SCUBE1: variants seen among roughly 807,000 people sequenced by gnomAD.
The protein encoded by SCUBE1 is signal peptide, CUB and EGF-like domain-containing protein 1.
A neutral mutation model predicts 124.4 loss-of-function variants in SCUBE1; 59 were observed. The ratio of observed to expected loss-of-function variants is 0.47; its 90% confidence interval spans 0.38 to 0.59. The LOEUF (loss-of-function observed/expected upper bound fraction) is 0.59. SCUBE1 is among the 20% of genes least tolerant of loss of function. The probability of loss-of-function intolerance (pLI) is 0.00; values close to 1 mark genes in which losing one functional copy is unlikely to be tolerated. For missense variants in SCUBE1, 1,150 were observed against 1,371.2 expected, an observed-to-expected ratio of 0.84 and a Z score of 2.55; for synonymous variants, 545 against 550.9, an observed-to-expected ratio of 0.99 and a Z score of 0.15.
Position 43,258,934 on chromosome 22 carries a change from A to G in SCUBE1, c.611-599T>C, listed in dbSNP as rs1923769902. ...CGGCAATGTCCGAACAGACAGACTCATGCAAGTTAATGTCATCTGAGGTAC... is the reference window on the plus strand; with the variant it reads ...CGGCAATGTCCGAACAGACAGACTCGTGCAAGTTAATGTCATCTGAGGTAC... On this transcript the variant is annotated intron_variant, in intron 5 of 21. Transcript: ENST00000360835. This position sits in a 1 kb window ranked among gnomAD's most constrained non-coding sequence, Gnocchi z 5.0. Among the ~76,000 whole-genome samples the G allele has an allele frequency of 6.6e-6, 1 of 152,226 alleles. No individual in the cohort carries two copies. The highest frequency in any genetic ancestry group is 2.4e-5 in the African/African-American group (1 of 41,468).
intron 3 of SCUBE1, among the ~76,000 whole-genome samples, chr22:43,300,086 CTG>C (rs1350571594): frequency 1.3e-5 from 2 of 152,144 alleles, no homozygotes; most frequent in Non-Finnish European, 2.9e-5. Context: ...CTGCTGAACA[CTG>C]TGTGTAAGTT....
At chr22:43,308,899 T>C (rs80313951) in intron 3 of SCUBE1, among the ~76,000 whole-genome samples, 2,296 of 152,368 alleles carry the variant, frequency 0.015, 61 homozygotes, top group African/African-American at 0.052. Context: ...AATGAGATGA[T>C]GTGTCCCAAG....
At chr22:43,277,684 C>A (rs1924587570) in intron 4 of SCUBE1, among the ~76,000 whole-genome samples, 1 of 152,248 alleles carries the variant, frequency 6.6e-6, no homozygotes, top group South Asian at 2.1e-4. Context: ...ACAGACTGTT[C>A]TCAGGATCTG....
chr22:43,316,815 A>G (rs1926364394), intron 3 of SCUBE1: 1 of 152,280 alleles, frequency 6.6e-6, no homozygotes, highest in South Asian at 2.1e-4. Context: ...GGCTTCAATA[A>G]CCTGATGCTC....
chr22:43,322,391 T>C (rs903830083), intron 2 of SCUBE1, among the ~76,000 whole-genome samples: 1 of 152,154 alleles, frequency 6.6e-6, no homozygotes, highest in East Asian at 1.9e-4. Flanking sequence ...TTCCCCTGGG[T>C]ATTCCAAAGG....
chr22:43,232,004 G>A, intron 7 of SCUBE1, 129 bp from the exon 8 acceptor site: 1 of 1,108,224 alleles, frequency 9.0e-7, no homozygotes, highest in East Asian at 2.6e-5. Context: ...TTCCCAAGCT[G>A]GCTGCTGGCT....
chr22:43,265,081 A>C (rs764358226), intron 4 of SCUBE1, among the ~76,000 whole-genome samples: 3 of 152,226 alleles, frequency 2.0e-5, no homozygotes, highest in Non-Finnish European at 4.4e-5. Flanking sequence ...TTCCCAGCCA[A>C]AGAATCACAG....
intron 4 of SCUBE1, among the ~76,000 whole-genome samples, chr22:43,288,893 C>T (rs1423182345): frequency 6.6e-6 from 1 of 152,258 alleles, no homozygotes; most frequent in African/African-American, 2.4e-5. Flanking sequence ...CCTGCTGTCG[C>T]TGCTCCCACG....
intron 2 of SCUBE1, among the ~76,000 whole-genome samples, chr22:43,326,394 A>T (rs572882665): frequency 2.0e-4 from 31 of 152,076 alleles, no homozygotes; most frequent in Non-Finnish European, 3.7e-4. Flanking sequence ...AATAAATCTT[A>T]ATCCGGTTTG....
rs536264345 is a variant in SCUBE1, at chr22:43,339,169, T to C, written c.155A>G (p.Asn52Ser). 11 of 1,613,768 alleles carry C rather than the reference T, an allele frequency of 6.8e-6. No homozygotes were observed. The highest frequency in any genetic ancestry group is 9.3e-6 in the Non-Finnish European group (11 of 1,179,816). Reference sequence around the variant, plus strand: ...GAGGCATTTGTAGGACTTGGGCGTGTTCTGACAGATGGCATCGATGTGGCA... The same window carrying C: ...GAGGCATTTGTAGGACTTGGGCGTGCTCTGACAGATGGCATCGATGTGGCA... ...DDCHIDAICQ[N>S]TPKSYKCLCK... Residue 52 changes from asparagine (N) to serine (S), a missense_variant, in exon 2 of 22, where the codon AAC (asparagine) becomes AGC (serine). Asn to Ser is a conservative substitution (Grantham distance 46, BLOSUM62 1). Around this residue, in one of 3 missense-constraint regions of SCUBE1, gnomAD observed 337 missense variants for 482.1 expected, o/e 0.70. Coordinates refer to ENST00000360835, the MANE Select transcript of SCUBE1 (RefSeq NM_173050.5).
chr22:43,335,889 ATGT>A lies in SCUBE1; in HGVS notation c.220+3212_220+3214del, dbSNP rs1274501710. 7.1e-4 allele frequency among the ~76,000 whole-genome samples: 107 copies of A among 149,734 alleles called. 1 individual carries two copies. Among genetic ancestry groups the A allele is most frequent in the African/African-American group, 2.2e-3 (90 of 40,614 alleles). On this transcript the variant is annotated intron_variant, in intron 2 of 21. Transcript: ENST00000360835. ...GGTGATGGTGATGATGGTGATGGTGATGTTGGTGGTGATGATAATGATGATGGT... is the reference window on the plus strand; with the variant it reads ...GGTGATGGTGATGATGGTGATGGTGATGGTGGTGATGATAATGATGATGGT...
At position 43,255,360 on chromosome 22, in the gene SCUBE1, C is replaced by T. The variant is rs1050349704; in HGVS notation, c.727+2859G>A. The T allele has an allele frequency of 3.3e-5, 27 of 809,198 alleles. 1 individual carries two copies. The highest frequency in any genetic ancestry group is 1.1e-4 in the South Asian group (7 of 61,542). 50.1% of individuals were successfully genotyped at this position (809,198 alleles called of 1,614,324 possible). ...CACAACACAGACATATGCCCCCACA[C>T]GCACACGTCACACCCACACACAGCA... On this transcript the variant is annotated intron_variant, in intron 6 of 21. Transcript: ENST00000360835. The surrounding 1 kb of genome is among the most constrained non-coding windows in gnomAD (Gnocchi z 4.7).
At chr22:43,227,273 G>A (rs1424083549) in intron 10 of SCUBE1, 101 bp downstream of exon 10, 1 of 1,356,722 alleles carries the variant, frequency 7.4e-7, no homozygotes, top group East Asian at 2.5e-5. Context: ...TAGAGGAAAG[G>A]GAGGGGCTGT....
rs774512785 is a variant in SCUBE1, at chr22:43,208,054, G to T, written c.2734+18C>A. On this transcript the variant is annotated intron_variant, in intron 20 of 21. Coordinates refer to ENST00000360835, the MANE Select transcript of SCUBE1 (RefSeq NM_173050.5). Reference sequence around the variant, plus strand: ...GCCTGAGCCGTGCACAGTGGGCCGTGAAGACAGTGGATCTTACCATCGTAG... The same window carrying T: ...GCCTGAGCCGTGCACAGTGGGCCGTTAAGACAGTGGATCTTACCATCGTAG... 6 of 1,613,858 alleles carry T rather than the reference G, an allele frequency of 3.7e-6. No homozygotes were observed. The highest frequency in any genetic ancestry group is 5.1e-6 in the Non-Finnish European group (6 of 1,179,860).
chr22:43,295,401 T>C (rs1342428403), intron 3 of SCUBE1, among the ~76,000 whole-genome samples: 1 of 152,244 alleles, frequency 6.6e-6, no homozygotes, highest in African/African-American at 2.4e-5. Context: ...TCCTTGCTCC[T>C]AGCAGCGGGT....
chr22:43,249,240 A>C (rs1341456400), intron 6 of SCUBE1, among the ~76,000 whole-genome samples: 1 of 147,198 alleles, frequency 6.8e-6, no homozygotes, highest in East Asian at 2.1e-4. Context: ...ACTGGGACAT[A>C]GATTGGTGAA....
At chr22:43,332,437 C>T (rs530045881) in intron 2 of SCUBE1, among the ~76,000 whole-genome samples, 7 of 152,278 alleles carry the variant, frequency 4.6e-5, no homozygotes, top group South Asian at 2.1e-4. Context: ...AGCAAGGGAG[C>T]GAGTCCGTGT....
intron 3 of SCUBE1, among the ~76,000 whole-genome samples, chr22:43,318,661 T>A (rs1329478669): frequency 6.6e-6 from 1 of 152,198 alleles, no homozygotes; most frequent in African/African-American, 2.4e-5. Flanking sequence ...CTAAGACGCC[T>A]GCCAATTTCT....
At chr22:43,225,432 G>C (rs1357539487) in intron 10 of SCUBE1, among the ~76,000 whole-genome samples, 4 of 151,884 alleles carry the variant, frequency 2.6e-5, no homozygotes, top group Non-Finnish European at 5.9e-5. Context: ...GTTCACCTAA[G>C]TGTTAGGATC....
Sources: allele counts gnomAD v4.1 joint callset (sites outside exome capture counted in the v4.1 genomes callset), GRCh38; gene constraint gnomAD v4.1.1; regional missense constraint gnomAD v4.1.1; non-coding constraint Gnocchi (gnomAD v3.1); transcripts MANE v1.5; gene names NCBI Gene and HGNC (gene_info 2026-07-23, HGNC 2026-07-21).